Variants in MTMR9 observed in about 807,000 individuals in gnomAD.
MTMR9 encodes myotubularin related protein 9, also known as myotubularin-related protein 9.
Under a neutral mutation model 69.5 loss-of-function variants are expected in MTMR9, and 39 were observed. The ratio of observed to expected loss-of-function variants is 0.56; its 90% CI spans 0.43 to 0.73. The LOEUF (loss-of-function observed/expected upper bound fraction) is 0.73, where lower values mean the gene tolerates loss of function less well. Among genes scored for constraint, MTMR9 ranks in the 30% least tolerant of loss-of-function variants. The pLI is 0.00. For missense variants in MTMR9, 900 were observed against 671.2 expected, an observed-to-expected ratio of 1.34 and a Z score of -3.77; for synonymous variants, 354 against 240.8, an observed-to-expected ratio of 1.47 and a Z score of -4.35.
At chr8:11,307,128 G>GTGGCA (rs1799969008) in intron 5 of MTMR9, among the ~76,000 whole-genome samples, 1 of 152,120 alleles carries the variant, frequency 6.6e-6, no homozygotes, top group Non-Finnish European at 1.5e-5. Flanking sequence ...CTGGAGTGCA[G>GTGGCA]TGGCACGATC....
intron 6 of MTMR9, among the ~76,000 whole-genome samples, chr8:11,313,036 C>T (rs1275151730): frequency 6.6e-6 from 1 of 152,214 alleles, no homozygotes; most frequent in Non-Finnish European, 1.5e-5. Context: ...TTCATTGTTC[C>T]ATTTATAGAG....
chr8:11,308,096 T>G (rs1401514109), intron 5 of MTMR9, among the ~76,000 whole-genome samples: 1 of 152,244 alleles, frequency 6.6e-6, no homozygotes, highest in Admixed American at 6.5e-5. Context: ...TTTGAGGTCA[T>G]ATCCAAAATA....
chr8:11,305,694 A>G (rs972436262), intron 4 of MTMR9, among the ~76,000 whole-genome samples: 3 of 152,276 alleles, frequency 2.0e-5, no homozygotes, highest in Non-Finnish European at 4.4e-5. Flanking sequence ...ACTGGAGAAT[A>G]CATAATAGAC....
the MTMR9 span, among the ~76,000 whole-genome samples, chr8:11,333,751 G>A: frequency 1.3e-5 from 2 of 152,230 alleles, no homozygotes; most frequent in East Asian, 3.8e-4. Flanking sequence ...GCTAAAGGGA[G>A]TCCTTGAAGG....
intron 1 of MTMR9, among the ~76,000 whole-genome samples, chr8:11,287,083 C>T (rs2117341589): frequency 6.6e-6 from 1 of 152,322 alleles, no homozygotes; most frequent in South Asian, 2.1e-4. Flanking sequence ...TATGAGTATT[C>T]AGTTTAACCA....
At chr8:11,330,984 G>A (rs1368036304), downstream of MTMR9, 1 of 1,458,802 alleles carries the variant, frequency 6.9e-7, no homozygotes, top group Non-Finnish European at 9.1e-7. Flanking sequence ...AAATAGGCGT[G>A]CTACCACCTC....
the MTMR9 span, among the ~76,000 whole-genome samples, chr8:11,339,076 T>A: frequency 6.6e-6 from 1 of 152,204 alleles, no homozygotes; most frequent in Admixed American, 6.5e-5. Flanking sequence ...TGGCAGAGAT[T>A]AGCACCATTC....
rs1455553752 is a variant in MTMR9, at chr8:11,319,811, G to T, written c.1459G>T (p.Ala487Ser). Residue 487 changes from alanine (A) to serine (S), a missense_variant, in exon 9 of 10, where the codon GCT (alanine) becomes TCT (serine). Ala to Ser is a moderately conservative substitution (Grantham distance 99). Coordinates refer to ENST00000221086, the MANE Select transcript of MTMR9 (RefSeq NM_015458.4). ...CAACCTTGTCATCTGGCCTTCAGTT[G>T]CTCCGCAGAGTCTTCCACTGTGGGA... Reference protein sequence around the residue: ...ANNLVIWPSVAPQSLPLWEGI... With the variant: ...ANNLVIWPSVSPQSLPLWEGI... 3 of 1,614,144 alleles carry T rather than the reference G, an allele frequency of 1.9e-6. No homozygotes were observed. The South Asian group carries it at 3.3e-5, about 18-fold the overall frequency.
intron 1 of MTMR9, among the ~76,000 whole-genome samples, chr8:11,290,163 T>C (rs928312571): frequency 6.6e-6 from 1 of 152,242 alleles, no homozygotes; most frequent in African/African-American, 2.4e-5. Flanking sequence ...GATTGTGAAA[T>C]AGTTATTGCT....
chr8:11,319,905 G>A, intron 9 of MTMR9, 67 bp downstream of exon 9: 1 of 1,527,182 alleles, frequency 6.5e-7, no homozygotes, highest in Non-Finnish European at 9.0e-7. Context: ...GTGAGTGTGT[G>A]CTGTTGGTGA....
intron 3 of MTMR9, among the ~76,000 whole-genome samples, chr8:11,302,644 C>G (rs1417961369): frequency 1.3e-5 from 2 of 152,096 alleles, no homozygotes; most frequent in Non-Finnish European, 2.9e-5. Flanking sequence ...AATCTTGTAT[C>G]ATTCTCTCTA....
chr8:11,317,360 T>G (rs1800465824), intron 8 of MTMR9: 1 of 152,386 alleles, frequency 6.6e-6, no homozygotes, highest in Non-Finnish European at 1.5e-5. Context: ...AACTTTTCTT[T>G]GGATTGGGTG....
At chr8:11,335,144 G>A in the MTMR9 span, among the ~76,000 whole-genome samples, 1 of 152,190 alleles carries the variant, frequency 6.6e-6, no homozygotes, top group Admixed American at 6.5e-5. Flanking sequence ...TTTGTTCACA[G>A]ATGATATGAT....
intron 2 of MTMR9, 77 bp downstream of exon 2, chr8:11,295,379 T>C (rs1799518288): frequency 1.2e-6 from 1 of 862,764 alleles, no homozygotes; most frequent in Non-Finnish European, 1.9e-6. Context: ...ATTTCTTCAT[T>C]AGATAATTTA....
intron 3 of MTMR9, among the ~76,000 whole-genome samples, chr8:11,301,231 A>G (rs1799736539): frequency 6.6e-6 from 1 of 152,216 alleles, no homozygotes; most frequent in Admixed American, 6.5e-5. Flanking sequence ...GAAAGTCAAA[A>G]CAGCTTTGAG....
chr8:11,285,759 A>G (rs1041679510), intron 1 of MTMR9, among the ~76,000 whole-genome samples: 2 of 152,100 alleles, frequency 1.3e-5, no homozygotes, highest in Non-Finnish European at 2.9e-5. Flanking sequence ...TTAAACTTTC[A>G]TCTGCATTCA....
chr8:11,295,857 C>A (rs983985463), intron 2 of MTMR9, among the ~76,000 whole-genome samples: 3 of 152,064 alleles, frequency 2.0e-5, no homozygotes, highest in Non-Finnish European at 4.4e-5. Flanking sequence ...TAGGTAGGGA[C>A]TGGGGGGACC....
downstream of MTMR9, among the ~76,000 whole-genome samples, chr8:11,332,444 A>G (rs1217705457): frequency 2.6e-5 from 4 of 152,152 alleles, no homozygotes; most frequent in Admixed American, 6.5e-5. Flanking sequence ...AGACAACTAA[A>G]TGAAATCAGA....
intron 1 of MTMR9, among the ~76,000 whole-genome samples, chr8:11,288,226 A>G (rs996958662): frequency 1.5e-5 from 2 of 134,136 alleles, no homozygotes; most frequent in African/African-American, 5.8e-5. Context: ...ATTAATAATT[A>G]TAATATATAA....
Sources: gnomAD v4.1 joint callset for allele counts (sites outside exome capture counted in the v4.1 genomes callset) on GRCh38, gnomAD v4.1.1 for gene constraint, MANE v1.5 for transcripts, NCBI Gene and HGNC (gene_info 2026-07-23, HGNC 2026-07-21) for gene names.